GMDS: variants seen among roughly 807,000 people sequenced by gnomAD.
GMDS encodes GDP-mannose 4,6 dehydratase.
GMDS carries 20 observed loss-of-function variants against 49.9 expected under a neutral mutation model. The ratio of observed to expected loss-of-function variants is 0.40; its 90% CI spans 0.28 to 0.58. The LOEUF (loss-of-function observed/expected upper bound fraction) is 0.58, where lower values mean the gene tolerates loss of function less well. Ranked by LOEUF, GMDS falls within the 20% of genes least tolerant of loss-of-function variation. GMDS has a pLI of 0.42. For missense variants in GMDS, 362 were observed against 481.4 expected, an observed-to-expected ratio of 0.75 and a Z score of 2.32; for synonymous variants, 177 against 178.6, an observed-to-expected ratio of 0.99 and a Z score of 0.07.
intron 7 of GMDS, among the ~76,000 whole-genome samples, chr6:1,757,807 T>C (rs1033871449): frequency 1.3e-5 from 2 of 152,226 alleles, no homozygotes; most frequent in Admixed American, 1.3e-4. Flanking sequence ...AGAAATATAA[T>C]GTGAGCCACA....
intron 1 of GMDS, among the ~76,000 whole-genome samples, chr6:2,212,799 C>T (rs932919922): frequency 1.3e-5 from 2 of 151,366 alleles, no homozygotes; most frequent in East Asian, 3.9e-4. Context: ...TGCAGCTCGA[C>T]ATGGATTCTG....
At chr6:1,705,750 T>C (rs1431681405) in intron 9 of GMDS, among the ~76,000 whole-genome samples, 1 of 152,140 alleles carries the variant, frequency 6.6e-6, no homozygotes, top group Admixed American at 6.5e-5. Flanking sequence ...TGGAGGACTT[T>C]CCAGAGGAAG....
Position 1,922,762 on chromosome 6 carries a change from C to T in GMDS, c.771+7341G>A, listed in dbSNP as rs572133740. The stretch of plus-strand genomic sequence containing the variant: ...TTGACTCAGGGAAGAGCCGGCTGGA[C>T]GTCAGGGGAAGACTTGTCCCGTCCC... On this transcript the variant is annotated intron_variant, in intron 7 of 10. Coordinates refer to ENST00000380815, the MANE Select transcript of GMDS (RefSeq NM_001500.4). 1.6e-3 allele frequency among the ~76,000 whole-genome samples: 250 copies of T among 152,290 alleles called. 2 individuals carry two copies. The highest frequency in any genetic ancestry group is 5.8e-3 in the African/African-American group (241 of 41,554).
chr6:1,792,545 C>G (rs1769585516), intron 7 of GMDS, among the ~76,000 whole-genome samples: 1 of 152,124 alleles, frequency 6.6e-6, no homozygotes, highest in Non-Finnish European at 1.5e-5. Context: ...TGCAACTATT[C>G]CTGAATACTA....
rs565856703 is a variant in GMDS, at chr6:1,785,878, A to C, written c.772-43292T>G. Among the ~76,000 whole-genome samples, 3 of 152,362 alleles carry C rather than the reference A, an allele frequency of 2.0e-5. No individual in the cohort carries two copies. The East Asian group carries it at 5.8e-4, about 29-fold the overall frequency. On this transcript the variant is annotated intron_variant, in intron 7 of 10. Coordinates refer to ENST00000380815, the MANE Select transcript of GMDS (RefSeq NM_001500.4). Reference sequence around the variant, plus strand: ...ACCATTCAGCACCCTCTTACTCCCAAGAAGGGATGACATTTCCTTTGTGAA... The same window carrying C: ...ACCATTCAGCACCCTCTTACTCCCACGAAGGGATGACATTTCCTTTGTGAA...
At chr6:1,714,693 T>A (rs1766109583) in intron 9 of GMDS, among the ~76,000 whole-genome samples, 1 of 152,218 alleles carries the variant, frequency 6.6e-6, no homozygotes, top group South Asian at 2.1e-4. Context: ...AATGGGGCAT[T>A]TCTTATGGAG....
chr6:1,758,653 T>C (rs936386438), intron 7 of GMDS, among the ~76,000 whole-genome samples: 1 of 152,196 alleles, frequency 6.6e-6, no homozygotes, highest in African/African-American at 2.4e-5. Flanking sequence ...AGCTGGAGAA[T>C]GTGCAAGTTC....
In GMDS at chr6:1,635,634, A is replaced by G. The variant is rs576484799; in HGVS notation, c.988-11094T>C. Among the ~76,000 whole-genome samples, 1 of 152,234 alleles carries G rather than the reference A, an allele frequency of 6.6e-6. No homozygotes were observed. The highest frequency in any genetic ancestry group is 6.5e-5 in the Admixed American group (1 of 15,296). Reference sequence around the variant, plus strand: ...TGCCGTCGGGGCCAGCCTCACTGACAAGGCTGAGGGTCTGTGCTGTGCAAA... The same window carrying G: ...TGCCGTCGGGGCCAGCCTCACTGACGAGGCTGAGGGTCTGTGCTGTGCAAA... On this transcript the variant is annotated intron_variant, in intron 9 of 10. Coordinates refer to ENST00000380815, the MANE Select transcript of GMDS (RefSeq NM_001500.4). This position sits in a 1 kb window ranked among gnomAD's most constrained non-coding sequence, Gnocchi z 4.7.
intron 6 of GMDS, among the ~76,000 whole-genome samples, chr6:1,941,403 G>A (rs1368459563): frequency 1.3e-5 from 2 of 152,088 alleles, no homozygotes; most frequent in Non-Finnish European, 2.9e-5. Flanking sequence ...AAGCAGTGAG[G>A]GGAAGCAAGG....
At chr6:2,100,062 T>C (rs1162091649) in intron 4 of GMDS, among the ~76,000 whole-genome samples, 1 of 152,034 alleles carries the variant, frequency 6.6e-6, no homozygotes, top group Non-Finnish European at 1.5e-5. Context: ...ATGGGAAAAC[T>C]GAGGCCCAGA....
intron 6 of GMDS, among the ~76,000 whole-genome samples, chr6:1,947,282 T>A (rs1488492638): frequency 6.6e-6 from 1 of 152,154 alleles, no homozygotes; most frequent in Non-Finnish European, 1.5e-5. Context: ...ACCTATTTTG[T>A]CTTCCTCAAA....
At chr6:1,878,919 C>CA in intron 7 of GMDS, among the ~76,000 whole-genome samples, 1 of 152,174 alleles carries the variant, frequency 6.6e-6, no homozygotes, top group South Asian at 2.1e-4. Context: ...GAGCTATCAT[C>CA]AGCCTCACCA....
chr6:1,863,169 G>A (rs954892179), intron 7 of GMDS, among the ~76,000 whole-genome samples: 1 of 152,134 alleles, frequency 6.6e-6, no homozygotes, highest in Non-Finnish European at 1.5e-5. Context: ...GCTGTAAGGG[G>A]CTAGGGGGAT....
At chr6:2,210,705 G>A (rs900376610) in intron 1 of GMDS, among the ~76,000 whole-genome samples, 3 of 152,016 alleles carry the variant, frequency 2.0e-5, no homozygotes, top group African/African-American at 7.2e-5. Flanking sequence ...TCCTGAACCC[G>A]CATCTCTGGG....
chr6:2,194,511 A>C (rs1779200706), intron 1 of GMDS, among the ~76,000 whole-genome samples: 1 of 152,254 alleles, frequency 6.6e-6, no homozygotes, highest in Non-Finnish European at 1.5e-5. Context: ...TTATATCTTT[A>C]AGCATTTTTA....
chr6:1,741,062 A>G (rs1767251614), intron 8 of GMDS, among the ~76,000 whole-genome samples: 1 of 152,210 alleles, frequency 6.6e-6, no homozygotes, highest in Non-Finnish European at 1.5e-5. Context: ...TAATTGACAC[A>G]TTATAATTGT....
chr6:2,183,830 C>T (rs775313442), intron 1 of GMDS, among the ~76,000 whole-genome samples: 29 of 152,272 alleles, frequency 1.9e-4, no homozygotes, highest in Non-Finnish European at 3.2e-4. Flanking sequence ...ATACCCTCTA[C>T]TAGCAAATAG....
At chr6:2,053,772 T>C (rs1207834314) in intron 4 of GMDS, among the ~76,000 whole-genome samples, 2 of 152,056 alleles carry the variant, frequency 1.3e-5, no homozygotes, top group East Asian at 1.9e-4. Flanking sequence ...AAACCTTTGA[T>C]TTTTTAAACT....
chr6:1,929,170 G>T (rs1762168400), intron 7 of GMDS, among the ~76,000 whole-genome samples: 1 of 152,160 alleles, frequency 6.6e-6, no homozygotes, highest in African/African-American at 2.4e-5. Context: ...CTAATTGTTT[G>T]CTTTCTTTTG....
Sources: gnomAD v4.1 joint callset for allele counts (sites outside exome capture counted in the v4.1 genomes callset) on GRCh38, gnomAD v4.1.1 for gene constraint, Gnocchi (gnomAD v3.1) non-coding constraint, MANE v1.5 for transcripts, NCBI Gene and HGNC (gene_info 2026-07-23, HGNC 2026-07-21) for gene names.